KBTBD3: variants seen among roughly 807,000 people sequenced by gnomAD.
The protein encoded by KBTBD3 is kelch repeat and BTB domain containing 3.
In KBTBD3, 38 loss-of-function variants were observed where a neutral mutation model predicts 49.6. The ratio of observed to expected loss-of-function variants is 0.77; its 90% CI spans 0.59 to 1.00. The LOEUF (loss-of-function observed/expected upper bound fraction) is 1.00, where lower values mean the gene tolerates loss of function less well. KBTBD3 is among the 50% of genes least tolerant of loss of function. The pLI is 0.00. For missense variants in KBTBD3, 661 were observed against 712.0 expected, an observed-to-expected ratio of 0.93 and a Z score of 0.81; for synonymous variants, 214 against 250.4, an observed-to-expected ratio of 0.85 and a Z score of 1.37.
At chr11:106,063,613 A>G (rs920129042) in intron 2 of KBTBD3, among the ~76,000 whole-genome samples, 1 of 152,082 alleles carries the variant, frequency 6.6e-6, no homozygotes, top group Admixed American at 6.5e-5. Context: ...ATATCTATCT[A>G]GTTGTGTTGT....
rs1213664922 is a variant in KBTBD3, at chr11:106,052,170, G to C, written c.*680C>G. ...ACTAAGATTGAACCAGAAAATGAGA[G>C]GGGGGGAGGAGAGAGAGAGAGAGAG... On this transcript the variant is annotated 3_prime_UTR_variant, in exon 4 of 4. Coordinates refer to ENST00000531837, the MANE Select transcript of KBTBD3 (RefSeq NM_198439.3). 1.3e-5 allele frequency: 2 copies of C among 150,804 alleles called. No homozygotes were observed. The highest frequency in any genetic ancestry group is 1.4e-4 in the Admixed American group (2 of 14,592). 9.3% of individuals were successfully genotyped at this position (150,804 alleles called of 1,614,324 possible).
chr11:106,065,180 G>A (rs557752037), intron 2 of KBTBD3, among the ~76,000 whole-genome samples: 17 of 152,220 alleles, frequency 1.1e-4, no homozygotes, highest in African/African-American at 3.1e-4. Context: ...AATAATTTTC[G>A]TATTTTTAGT....
chr11:106,076,815 T>G (rs1861040283), intron 1 of KBTBD3, 108 bp from the exon 2 acceptor site: 1 of 152,274 alleles, frequency 6.6e-6, no homozygotes, highest in Non-Finnish European at 1.5e-5. Context: ...ACCTCTGTCA[T>G]GATGGAAACA....
rs1212463235 is a variant in KBTBD3 at position 106,052,959 on chromosome 11, G to C, written c.1730C>G (p.Ser577Cys). The C allele has an allele frequency of 1.2e-6, 2 of 1,613,706 alleles. No homozygotes were observed. Among genetic ancestry groups the C allele is most frequent in the Admixed American group, 1.7e-5 (1 of 59,968 alleles). ...CATTGGTGAAACTTCTTCCCATTCA[G>C]ACCTGTTGCTGTGGTAGACCTGCAC... Reference protein sequence around the residue: ...DEVQVYHSNRSEWEEVSPMPR... With the variant: ...DEVQVYHSNRCEWEEVSPMPR... The change falls in exon 4 of 4, where the codon TCT (serine) becomes TGT (cysteine). Residue 577 changes from serine to cysteine, a missense_variant. By Grantham distance (112) the Ser-to-Cys change is moderately radical. Transcript: ENST00000531837.
intron 2 of KBTBD3, among the ~76,000 whole-genome samples, chr11:106,070,237 A>G (rs1669638903): frequency 6.6e-6 from 1 of 152,068 alleles, no homozygotes; most frequent in Non-Finnish European, 1.5e-5. Flanking sequence ...TAAATGAAAA[A>G]AATTAATAGA....
At chr11:106,055,556 T>C (rs1434961864) in intron 3 of KBTBD3, among the ~76,000 whole-genome samples, 3 of 152,198 alleles carry the variant, frequency 2.0e-5, no homozygotes, top group East Asian at 3.8e-4. Context: ...ATAATAATTA[T>C]ATGGATTATT....
rs993223851 is a variant in KBTBD3 at position 106,052,175 on chromosome 11, G to A, written c.*675C>T. 1.3e-5 allele frequency: 2 copies of A among 151,528 alleles called. No individual in the cohort carries two copies. Among genetic ancestry groups the A allele is most frequent in the Admixed American group, 6.6e-5 (1 of 15,170 alleles). 9.4% of individuals were successfully genotyped at this position (151,528 alleles called of 1,614,324 possible). On this transcript the variant is annotated 3_prime_UTR_variant, in exon 4 of 4. Coordinates refer to ENST00000531837, the MANE Select transcript of KBTBD3 (RefSeq NM_198439.3). ...GATTGAACCAGAAAATGAGAGGGGG[G>A]GAGGAGAGAGAGAGAGAGAGCTAGA...
intron 2 of KBTBD3, among the ~76,000 whole-genome samples, chr11:106,061,147 G>A (rs1380362071): frequency 1.3e-5 from 2 of 152,178 alleles, no homozygotes; most frequent in African/African-American, 4.8e-5. Flanking sequence ...CAGCATGACA[G>A]TCTCAGAGTG....
intron 2 of KBTBD3, among the ~76,000 whole-genome samples, chr11:106,072,136 G>C (rs1209915694): frequency 1.3e-5 from 2 of 152,128 alleles, no homozygotes; most frequent in Admixed American, 6.6e-5. Flanking sequence ...ATGGATATCA[G>C]TGTGTTGGAA....
chr11:106,064,067 G>A (rs1354684039), intron 2 of KBTBD3, among the ~76,000 whole-genome samples: 2 of 152,186 alleles, frequency 1.3e-5, no homozygotes, highest in Non-Finnish European at 2.9e-5. Flanking sequence ...TAAAATGGTG[G>A]AGGAAGGGAC....
chr11:106,058,793 A>G, intron 3 of KBTBD3, 72 bp downstream of exon 3: 1 of 843,936 alleles, frequency 1.2e-6, no homozygotes, highest in Non-Finnish European at 1.9e-6. Context: ...GTGGGGAAAA[A>G]CTTGAGTGCA....
chr11:106,053,532 A>G lies in KBTBD3; in HGVS notation c.1157T>C (p.Val386Ala). ...YCPVKNDFFLVSTMKTPRTMH... is the reference protein window; with the variant it reads ...YCPVKNDFFLASTMKTPRTMH... ...GGTTCTTGGTGTTTTCATAGTTGATACCAAGAAGAAATCATTTTTCACTGG... is the reference window on the plus strand; with the variant it reads ...GGTTCTTGGTGTTTTCATAGTTGATGCCAAGAAGAAATCATTTTTCACTGG... The change falls in exon 4 of 4, where the codon GTA (valine) becomes GCA (alanine). Residue 386 changes from valine (V) to alanine (A), a missense_variant. Transcript: ENST00000531837. The G allele has an allele frequency of 6.2e-7, 1 of 1,613,778 alleles. No individual in the cohort carries two copies. Among genetic ancestry groups the G allele is most frequent in the African/African-American group, 1.3e-5 (1 of 75,010 alleles).
chr11:106,053,886 A>G lies in KBTBD3; in HGVS notation c.803T>C (p.Phe268Ser). ...CTTAATTGCATCCATGATTATGTCA[A>G]AACAGTTTGTGCTTTTGAGTAAACT... ...EESLLKSTNC[F>S]DIIMDAIKCV... Residue 268 changes from phenylalanine (F) to serine (S), a missense_variant, in exon 4 of 4, where the codon TTT becomes TCT. Transcript: ENST00000531837. The G allele has an allele frequency of 1.2e-6, 2 of 1,614,022 alleles. No homozygotes were observed. The highest frequency in any genetic ancestry group is 4.5e-5 in the East Asian group (2 of 44,882).
intron 2 of KBTBD3, among the ~76,000 whole-genome samples, chr11:106,070,809 G>A (rs916862786): frequency 2.0e-5 from 3 of 152,064 alleles, no homozygotes; most frequent in South Asian, 2.1e-4. Context: ...CAACCAAAAT[G>A]TTGCACAATA....
chr11:106,065,197 G>C (rs1188614506), intron 2 of KBTBD3, among the ~76,000 whole-genome samples: 1 of 152,092 alleles, frequency 6.6e-6, no homozygotes, highest in African/African-American at 2.4e-5. Flanking sequence ...TAGTAGAGAC[G>C]GGGTTTCACC....
intron 2 of KBTBD3, among the ~76,000 whole-genome samples, chr11:106,059,820 T>C (rs1591535228): frequency 1.3e-5 from 2 of 152,204 alleles, no homozygotes; most frequent in African/African-American, 4.8e-5. Flanking sequence ...AAAAGTTGCA[T>C]CATCAAAAGC....
intron 2 of KBTBD3, among the ~76,000 whole-genome samples, chr11:106,071,683 G>A (rs535075670): frequency 6.6e-5 from 10 of 152,006 alleles, no homozygotes; most frequent in African/African-American, 1.2e-4. Context: ...ACTTGTATAA[G>A]TGTATTTTGC....
At chr11:106,068,957 A>G (rs547397887) in intron 2 of KBTBD3, among the ~76,000 whole-genome samples, 1 of 152,188 alleles carries the variant, frequency 6.6e-6, no homozygotes, top group Non-Finnish European at 1.5e-5. Context: ...AAAACACAAG[A>G]CCATATCAAC....
At position 106,053,853 on chromosome 11, in the gene KBTBD3, T is replaced by G; in HGVS notation, c.836A>C (p.Gln279Pro). The change falls in exon 4 of 4, where the codon CAA becomes CCA. Residue 279 changes from glutamine (Q) to proline (P), a missense_variant. By Grantham distance (76) the Gln-to-Pro change is moderately conservative. Coordinates refer to ENST00000531837, the MANE Select transcript of KBTBD3 (RefSeq NM_198439.3). The part of the protein sequence containing the change: ...DIIMDAIKCV[Q>P]GSGGLFPDAR... ...ATCAGGGAAGAGTCCACCAGAACCT[T>G]GCACACACTTAATTGCATCCATGAT... The G allele has an allele frequency of 2.5e-6, 4 of 1,614,054 alleles. No individual in the cohort carries two copies. The highest frequency in any genetic ancestry group is 3.4e-6 in the Non-Finnish European group (4 of 1,179,934).
Sources: allele counts gnomAD v4.1 joint callset (sites outside exome capture counted in the v4.1 genomes callset), GRCh38; gene constraint gnomAD v4.1.1; transcripts MANE v1.5; gene names NCBI Gene and HGNC (gene_info 2026-07-23, HGNC 2026-07-21).